Variants in SLC4A10 observed in about 807,000 individuals in gnomAD.
SLC4A10 encodes solute carrier family 4 member 10.
SLC4A10 carries 42 observed loss-of-function variants against 137.7 expected under a neutral mutation model. The observed-to-expected ratio is 0.30, with a 90% confidence interval of 0.24 to 0.39. SLC4A10 has a LOEUF of 0.39. Ranked by LOEUF, SLC4A10 falls within the 10% of genes least tolerant of loss-of-function variation. The pLI is 1.00. For missense variants in SLC4A10, 925 were observed against 1,355.0 expected (o/e 0.68, Z 4.98); for synonymous variants, 474 against 464.1 (o/e 1.02, Z -0.27).
At chr2:161,696,532 A>G (rs1485389202) in intron 1 of SLC4A10, among the ~76,000 whole-genome samples, 1 of 130,106 alleles carries the variant, frequency 7.7e-6, no homozygotes, top group South Asian at 2.4e-4. Flanking sequence ...TTCAATTCCC[A>G]CCTATGAGTG....
rs549679170 is a variant in SLC4A10, at chr2:161,912,706, T to C, written c.1997+6819T>C. On this transcript the variant is annotated intron_variant, in intron 15 of 26. Transcript: ENST00000446997. ...CCATGTCTCAGTCAACACTGATGCTTTGCTGAATGTCAGAAATGGATTTTC... is the reference window on the plus strand; with the variant it reads ...CCATGTCTCAGTCAACACTGATGCTCTGCTGAATGTCAGAAATGGATTTTC... Among the ~76,000 whole-genome samples the C allele has an allele frequency of 1.1e-3, 169 of 152,234 alleles. 1 individual carries two copies. Among genetic ancestry groups the C allele is most frequent in the Middle Eastern group, 6.8e-3 (2 of 294 alleles).
At chr2:161,669,144 T>C (rs1451127800) in intron 1 of SLC4A10, among the ~76,000 whole-genome samples, 2 of 151,932 alleles carry the variant, frequency 1.3e-5, no homozygotes, top group East Asian at 3.8e-4. Context: ...TTTTGGTATA[T>C]CAGATGAAAC....
intron 1 of SLC4A10, among the ~76,000 whole-genome samples, chr2:161,676,334 T>C (rs183596351): frequency 6.5e-5 from 9 of 138,312 alleles, no homozygotes; most frequent in Admixed American, 2.3e-4. Context: ...TGTCATGGAA[T>C]GTGGATGCGC....
At chr2:161,677,546 G>A (rs577315388) in intron 1 of SLC4A10, among the ~76,000 whole-genome samples, 40 of 152,198 alleles carry the variant, frequency 2.6e-4, no homozygotes, top group Non-Finnish European at 4.6e-4. Flanking sequence ...ATGTTCCCTC[G>A]AAATATTCAG....
Position 161,905,655 on chromosome 2 carries a change from T to C in SLC4A10, c.1765T>C (p.Ser589Pro). The change falls in exon 15 of 27, where the codon TCA (serine) becomes CCA (proline). Residue 589 changes from serine (S) to proline (P), a missense_variant. Coordinates refer to ENST00000446997, the MANE Select transcript of SLC4A10 (RefSeq NM_001178015.2). ...LFKFCKEYGL[S>P]YLSLRASIGL... ...TCCTCCTCCCAGAGAATATGGGCTG[T>C]CATACCTATCTTTAAGAGCTAGCAT... The C allele has an allele frequency of 6.2e-7, 1 of 1,609,406 alleles. No individual in the cohort carries two copies. Among genetic ancestry groups the C allele is most frequent in the Non-Finnish European group, 8.5e-7 (1 of 1,177,906 alleles).
intron 4 of SLC4A10, among the ~76,000 whole-genome samples, chr2:161,854,159 G>A (rs1488965695): frequency 6.6e-6 from 1 of 152,170 alleles, no homozygotes; most frequent in African/African-American, 2.4e-5. Context: ...ATTAGAAATG[G>A]TGAAACTAAA....
intron 2 of SLC4A10, among the ~76,000 whole-genome samples, chr2:161,781,939 C>A (rs1406714859): frequency 6.6e-6 from 1 of 152,042 alleles, no homozygotes; most frequent in Admixed American, 6.6e-5. Context: ...CAGCTTCTCC[C>A]AGAGGAGGTT....
At chr2:161,738,980 C>T (rs2047616708) in intron 1 of SLC4A10, among the ~76,000 whole-genome samples, 1 of 152,116 alleles carries the variant, frequency 6.6e-6, no homozygotes, top group Non-Finnish European at 1.5e-5. Context: ...AGATATAAAC[C>T]CACCTCTATC....
At chr2:161,762,418 G>C (rs148475015) in intron 1 of SLC4A10, among the ~76,000 whole-genome samples, 3 of 152,122 alleles carry the variant, frequency 2.0e-5, no homozygotes, top group Non-Finnish European at 4.4e-5. Context: ...GCTGATACTC[G>C]TTTATATATT....
intron 16 of SLC4A10, among the ~76,000 whole-genome samples, chr2:161,946,902 A>G (rs1200869858): frequency 6.6e-6 from 1 of 152,100 alleles, no homozygotes; most frequent in African/African-American, 2.4e-5. Flanking sequence ...TTGACTTACA[A>G]GTTCATTTCA....
At chr2:161,787,828 C>A (rs62190665) in intron 2 of SLC4A10, among the ~76,000 whole-genome samples, 10,105 of 151,954 alleles carry the variant, frequency 0.067, 441 homozygotes, top group East Asian at 0.15. Context: ...CTTCTGGTTT[C>A]TTTGTATTGG....
chr2:161,910,591 A>G (rs1164750000), intron 15 of SLC4A10, among the ~76,000 whole-genome samples: 2 of 152,116 alleles, frequency 1.3e-5, no homozygotes, highest in Non-Finnish European at 2.9e-5. Flanking sequence ...TTTGTAATCG[A>G]TTGGGTCAAA....
At chr2:161,719,474 C>A (rs938760162) in intron 1 of SLC4A10, among the ~76,000 whole-genome samples, 1 of 152,166 alleles carries the variant, frequency 6.6e-6, no homozygotes, top group African/African-American at 2.4e-5. Context: ...GAGGAATCGC[C>A]GCACTGACTT....
chr2:161,914,417 G>T (rs566170587), intron 15 of SLC4A10, among the ~76,000 whole-genome samples: 2 of 152,070 alleles, frequency 1.3e-5, no homozygotes, highest in Non-Finnish European at 2.9e-5. Context: ...GAAGGGTCAC[G>T]AAACATGTTC....
intron 1 of SLC4A10, among the ~76,000 whole-genome samples, chr2:161,686,194 A>G (rs2041385628): frequency 6.6e-6 from 1 of 152,236 alleles, no homozygotes; most frequent in Admixed American, 6.5e-5. Flanking sequence ...TTAGTATATA[A>G]ACCACTTTTA....
intron 26 of SLC4A10, 89 bp downstream of exon 26, chr2:161,977,849 T>G (rs1191991567): frequency 7.8e-7 from 1 of 1,286,420 alleles, no homozygotes; most frequent in African/African-American, 1.5e-5. Context: ...CTATGTCCTC[T>G]GTGTGAGTTT....
At position 161,627,118 on chromosome 2, in the gene SLC4A10, T is replaced by A. The variant is rs1156982542; in HGVS notation, c.48+2552T>A. On this transcript the variant is annotated intron_variant, in intron 1 of 26. Coordinates refer to ENST00000446997, the MANE Select transcript of SLC4A10 (RefSeq NM_001178015.2). ...ATAACTTATATGAAGTTCCTGACAT[T>A]TAGTAAGTGTTCAATAAAACTTGCT... is the stretch of plus-strand genomic sequence containing the variant. Among the ~76,000 whole-genome samples, 18 of 152,272 alleles carry A rather than the reference T, an allele frequency of 1.2e-4. No homozygotes were observed. The East Asian group carries it at 3.3e-3, about 28-fold the overall frequency.
At chr2:161,690,991 A>G (rs1360759073) in intron 1 of SLC4A10, among the ~76,000 whole-genome samples, 1 of 152,094 alleles carries the variant, frequency 6.6e-6, no homozygotes, top group Non-Finnish European at 1.5e-5. Flanking sequence ...AGTGGTGATA[A>G]CCAAATTATG....
chr2:161,727,153 G>A (rs1255506773), intron 1 of SLC4A10, among the ~76,000 whole-genome samples: 1 of 152,206 alleles, frequency 6.6e-6, no homozygotes, highest in African/African-American at 2.4e-5. Flanking sequence ...TGGATTCAGT[G>A]AGAAAGCTGC....
Sources: allele counts gnomAD v4.1 joint callset (sites outside exome capture counted in the v4.1 genomes callset), GRCh38; gene constraint gnomAD v4.1.1; transcripts MANE v1.5; gene names NCBI Gene and HGNC (gene_info 2026-07-23, HGNC 2026-07-21).